ABCA4: variants seen among roughly 807,000 people sequenced by gnomAD.
ABCA4 encodes the protein ATP binding cassette subfamily A member 4.
ABCA4 carries 196 observed loss-of-function variants against 263.7 expected under a neutral mutation model. That is an observed-to-expected ratio of 0.74 (90% CI 0.66 to 0.84). ABCA4 has a LOEUF of 0.84. Among genes scored for constraint, ABCA4 ranks in the 40% least tolerant of loss-of-function variants. The probability of loss-of-function intolerance (pLI) is 0.00; values close to 1 mark genes in which losing one functional copy is unlikely to be tolerated. For synonymous variants in ABCA4, 1,133 were observed against 1,094.2 expected, an observed-to-expected ratio of 1.04 and a Z score of -0.70; for missense variants, 2,792 against 2,855.1, an observed-to-expected ratio of 0.98 and a Z score of 0.50.
At chr1:94,027,305 A>G (rs1660068670) in intron 30 of ABCA4, among the ~76,000 whole-genome samples, 1 of 152,338 alleles carries the variant, frequency 6.6e-6, no homozygotes, top group Admixed American at 6.5e-5. Context: ...GCGTGGAAGT[A>G]AGGGTTCGTT....
chr1:94,031,937 C>T lies in ABCA4; in HGVS notation c.3969G>A (p.Gly1323=). The stretch of plus-strand genomic sequence containing the variant: ...GGCCCTCTGGGTGAGCAGCCGGCGC[C>T]CCTGGGGAGCAGACATTGGAGTCCT... ...TPQDSNVCSP[G]APAAHPEGQP... The change falls in exon 27 of 50, where the codon GGG becomes GGA. Residue 1323 remains glycine, a synonymous_variant. Coordinates refer to ENST00000370225, the MANE Select transcript of ABCA4 (RefSeq NM_000350.3). 1 of 1,614,054 alleles carries T rather than the reference C, an allele frequency of 6.2e-7. No homozygotes were observed. The highest frequency in any genetic ancestry group is 8.5e-7 in the Non-Finnish European group (1 of 1,180,010).
chr1:94,078,566 T>TC, intron 10 of ABCA4, 24 bp downstream of exon 10: 2 of 438,806 alleles, frequency 4.6e-6, no homozygotes, highest in Admixed American at 3.1e-5. Context: ...TCCCCTCCCC[T>TC]CCCCATCCTC....
At chr1:94,103,752 C>T (rs1662347776) in intron 4 of ABCA4, among the ~76,000 whole-genome samples, 1 of 152,124 alleles carries the variant, frequency 6.6e-6, no homozygotes. Flanking sequence ...CTGAGATGCT[C>T]AGGGCACTGA....
chr1:94,102,882 CA>C (rs1662320276), intron 5 of ABCA4, 132 bp downstream of exon 5: 1 of 1,282,314 alleles, frequency 7.8e-7, no homozygotes, highest in African/African-American at 1.5e-5. Context: ...TTTCTAAATA[CA>C]AGGCATTAAG....
chr1:94,013,355 G>A (rs1006942205), intron 38 of ABCA4, among the ~76,000 whole-genome samples: 12 of 152,204 alleles, frequency 7.9e-5, no homozygotes, highest in Admixed American at 3.9e-4. Context: ...AGGGGTCCAC[G>A]GGTCTGGGCG....
intron 40 of ABCA4, chr1:94,010,490 T>C (rs541649000): frequency 1.1e-5 from 5 of 448,752 alleles, no homozygotes; most frequent in African/African-American, 6.0e-5. Flanking sequence ...CCTGTAACCA[T>C]TGTTATTTGC....
In ABCA4 at chr1:94,105,617, G is replaced by C. The variant is rs1176231504; in HGVS notation, c.443-2475C>G. ...CTTCCCTGGGAAGATTAGAGGCTTGGGGGTGGGGCTGCTGAGGCCCCAGGA... is the reference window on the plus strand; with the variant it reads ...CTTCCCTGGGAAGATTAGAGGCTTGCGGGTGGGGCTGCTGAGGCCCCAGGA... On this transcript the variant is annotated intron_variant, in intron 4 of 49. Transcript: ENST00000370225. Among the ~76,000 whole-genome samples, 6 of 152,018 alleles carry C rather than the reference G, an allele frequency of 3.9e-5. No individual in the cohort carries two copies. In the East Asian group the frequency reaches 1.2e-3, roughly 30 times the overall value.
chr1:94,000,763 G>A lies in ABCA4; in HGVS notation c.6479+73C>T, dbSNP rs573022020. The A allele has an allele frequency of 1.2e-4, 177 of 1,488,718 alleles. 3 individuals are homozygous for A. The South Asian group carries it at 2.0e-3, about 17-fold the overall frequency. The allele number at this position is 1,488,718 out of a possible 1,614,324, so 92.2% of individuals were successfully genotyped here. ...TGACGGAGCAGCAGGACTCTTCCAA[G>A]TGTCAATGGAGAACACAGGATCCAG... On this transcript the variant is annotated intron_variant, in intron 47 of 49. Transcript: ENST00000370225.
chr1:94,020,646 G>C (rs1463231657), intron 35 of ABCA4, among the ~76,000 whole-genome samples: 9 of 152,224 alleles, frequency 5.9e-5, no homozygotes, highest in Non-Finnish European at 7.3e-5. Flanking sequence ...CACTCAGCGT[G>C]TGCTAGGATA....
chr1:94,007,616 G>A lies in ABCA4; in HGVS notation c.6005+18C>T, dbSNP rs768742562. ...ACCTGTGAGAGACTCCCTGAGACAG[G>A]AGGAGCAGGATACTCACCTCTTGCC... is the stretch of plus-strand genomic sequence containing the variant. On this transcript the variant is annotated intron_variant, in intron 43 of 49. Transcript: ENST00000370225. 5.0e-6 allele frequency: 8 copies of A among 1,593,844 alleles called. No individual in the cohort carries two copies. The East Asian group carries it at 6.7e-5, about 13-fold the overall frequency.
At chr1:94,037,620 G>C (rs1472693873) in intron 24 of ABCA4, among the ~76,000 whole-genome samples, 1 of 151,694 alleles carries the variant, frequency 6.6e-6, no homozygotes, top group African/African-American at 2.4e-5. Context: ...TGGTGGGGGG[G>C]TCATGCAACT....
intron 47 of ABCA4, among the ~76,000 whole-genome samples, chr1:94,000,002 AATT>A (rs1265867823): frequency 6.6e-6 from 1 of 152,200 alleles, no homozygotes; most frequent in African/African-American, 2.4e-5. Context: ...CCTTTCTCTC[AATT>A]ATTTATCTGC....
rs77805080 is a variant in ABCA4, at chr1:94,051,731, G to A, written c.2588-33C>T. The A allele has an allele frequency of 2.3e-3, 3,616 of 1,541,720 alleles. 58 individuals are homozygous for A. In the African/African-American group the frequency reaches 0.04, roughly 17 times the overall value. ...TAGAGACAAATAAACAGAGAAAGTC[G>A]AAGGAGTCTCCCTATCCTACCTTAC... On this transcript the variant is annotated intron_variant, in intron 16 of 49. Coordinates refer to ENST00000370225, the MANE Select transcript of ABCA4 (RefSeq NM_000350.3).
rs551868763 is a variant in ABCA4, at chr1:94,049,000, G to C, written c.2654-43C>G. 141 of 1,601,258 alleles carry C rather than the reference G, an allele frequency of 8.8e-5. No homozygotes were observed. In the South Asian group the frequency reaches 1.5e-3, roughly 17 times the overall value. On this transcript the variant is annotated intron_variant, in intron 17 of 49. Transcript: ENST00000370225. Reference sequence around the variant, plus strand: ...CAGTGTTACTCTACCACCGGGAGCTGAGAACGAGCAAAGGCAGGAAAGGAG... The same window carrying C: ...CAGTGTTACTCTACCACCGGGAGCTCAGAACGAGCAAAGGCAGGAAAGGAG...
Position 94,077,771 on chromosome 1 carries a change from A to C in ABCA4, c.1473T>G (p.Ala491=), listed in dbSNP as rs780240613. The change falls in exon 11 of 50, where the codon GCT becomes GCG. Residue 491 remains alanine (A), a synonymous_variant. Coordinates refer to ENST00000370225, the MANE Select transcript of ABCA4 (RefSeq NM_000350.3). ...FLYKGPRESQ[A]DDMANFDWRD... ...TCCAGTCGAAGTTGGCCATGTCGTCAGCCTGGCTTTCCCGAGGGCCCTTGT... is the reference window on the plus strand; with the variant it reads ...TCCAGTCGAAGTTGGCCATGTCGTCCGCCTGGCTTTCCCGAGGGCCCTTGT... The C allele has an allele frequency of 1.2e-6, 2 of 1,614,224 alleles. No individual in the cohort carries two copies. Among genetic ancestry groups the C allele is most frequent in the African/African-American group, 2.7e-5 (2 of 75,068 alleles).
intron 17 of ABCA4, among the ~76,000 whole-genome samples, chr1:94,049,560 G>T (rs946190947): frequency 2.6e-5 from 4 of 152,150 alleles, no homozygotes; most frequent in Admixed American, 6.5e-5. Flanking sequence ...GGAGGCGGAG[G>T]TTGCAGTGAG....
At chr1:93,993,852 G>A (rs565554239) in intron 49 of ABCA4, among the ~76,000 whole-genome samples, 35 of 152,116 alleles carry the variant, frequency 2.3e-4, no homozygotes, top group Non-Finnish European at 4.9e-4. Flanking sequence ...AGTGTGGGTT[G>A]AATTCCTGAA....
chr1:93,995,864 C>T (rs1047516743), intron 49 of ABCA4, among the ~76,000 whole-genome samples: 2 of 152,208 alleles, frequency 1.3e-5, no homozygotes, highest in African/African-American at 4.8e-5. Context: ...CAGATGGTTT[C>T]CTGATTACAA....
At chr1:94,058,782 C>T (rs1661046487) in intron 14 of ABCA4, among the ~76,000 whole-genome samples, 1 of 152,230 alleles carries the variant, frequency 6.6e-6, no homozygotes. Context: ...CTCTGTGACC[C>T]TACAGTTTCA....
Sources: gnomAD v4.1 joint callset for allele counts (sites outside exome capture counted in the v4.1 genomes callset) on GRCh38, gnomAD v4.1.1 for gene constraint, MANE v1.5 for transcripts, NCBI Gene and HGNC (gene_info 2026-07-23, HGNC 2026-07-21) for gene names.